IQCJ: variants seen among roughly 807,000 people sequenced by gnomAD.
The protein encoded by IQCJ is IQ motif containing J.
Under a neutral mutation model 11.0 loss-of-function variants are expected in IQCJ, and 9 were observed. The observed-to-expected ratio is 0.82, with a 90% CI of 0.49 to 1.43. The LOEUF (loss-of-function observed/expected upper bound fraction) is 1.43. IQCJ is among the 40% of genes most tolerant of loss of function. The pLI, the probability that IQCJ is intolerant of heterozygous loss-of-function variation, is 0.00. For synonymous variants in IQCJ, 55 were observed against 51.3 expected (o/e 1.07, Z -0.31); for missense variants, 146 against 133.2 (o/e 1.10, Z -0.47).
intron 1 of IQCJ, among the ~76,000 whole-genome samples, chr3:159,187,968 C>T (rs763616798): frequency 1.8e-4 from 27 of 152,122 alleles, no homozygotes; most frequent in African/African-American, 5.6e-4. Flanking sequence ...ACTCTTCCAC[C>T]GGCGCTGGGC....
intron 1 of IQCJ, among the ~76,000 whole-genome samples, chr3:159,159,496 T>C (rs73164381): frequency 0.22 from 33,764 of 152,150 alleles, 4,573 homozygotes; most frequent in South Asian, 0.39. Flanking sequence ...AGATAGTTAT[T>C]TTATGTGTTG....
chr3:159,224,057 T>C (rs543471371), intron 1 of IQCJ, among the ~76,000 whole-genome samples: 3 of 151,172 alleles, frequency 2.0e-5, no homozygotes, highest in Non-Finnish European at 4.4e-5. Context: ...TATTAAAATA[T>C]CATTTCCCAC....
At chr3:159,158,069 G>T (rs761983747) in intron 1 of IQCJ, among the ~76,000 whole-genome samples, 14 of 152,104 alleles carry the variant, frequency 9.2e-5, no homozygotes, top group Non-Finnish European at 2.1e-4. Context: ...GAATTACTAG[G>T]TCAAAGAGAA....
At chr3:159,198,747 A>T (rs745493238) in intron 1 of IQCJ, among the ~76,000 whole-genome samples, 2 of 152,210 alleles carry the variant, frequency 1.3e-5, no homozygotes, top group Non-Finnish European at 2.9e-5. Flanking sequence ...GAGATTCAAA[A>T]TGGAAGGAAA....
At chr3:159,212,743 A>G (rs1306651941) in intron 1 of IQCJ, among the ~76,000 whole-genome samples, 1 of 152,166 alleles carries the variant, frequency 6.6e-6, no homozygotes, top group East Asian at 1.9e-4. Context: ...AATGCTGGCA[A>G]TTCATCTCTT....
intron 1 of IQCJ, among the ~76,000 whole-genome samples, chr3:159,228,314 A>G (rs548053584): frequency 3.9e-5 from 6 of 152,198 alleles, no homozygotes; most frequent in Non-Finnish European, 8.8e-5. Context: ...AGAAAAAAAT[A>G]CCAATTCTGA....
At position 159,134,496 on chromosome 3, in the gene IQCJ, G is replaced by T. The variant is rs910493711; in HGVS notation, c.9+65055G>T. On this transcript the variant is annotated intron_variant, in intron 1 of 3. Transcript: ENST00000397832. ...CACATTTAGAATAGTTCTGCTTGTAGAGAGAGGGCCATGGAACAAACCCAA... is the reference window on the plus strand; with the variant it reads ...CACATTTAGAATAGTTCTGCTTGTATAGAGAGGGCCATGGAACAAACCCAA... Among the ~76,000 whole-genome samples, 5 of 152,172 alleles carry T rather than the reference G, an allele frequency of 3.3e-5. No individual in the cohort carries two copies. In the East Asian group the frequency reaches 9.6e-4, roughly 29 times the overall value.
chr3:159,227,044 G>A (rs981121712), intron 1 of IQCJ, among the ~76,000 whole-genome samples: 3 of 152,164 alleles, frequency 2.0e-5, no homozygotes, highest in Non-Finnish European at 2.9e-5. Context: ...GCTGAAATCA[G>A]GAGGCTTAAT....
chr3:159,109,325 C>A (rs1262718970), intron 1 of IQCJ, among the ~76,000 whole-genome samples: 5 of 152,094 alleles, frequency 3.3e-5, no homozygotes. Flanking sequence ...GAGGGCAAGA[C>A]ATTTATAAAG....
At chr3:159,162,624 G>A (rs1721929658) in intron 1 of IQCJ, among the ~76,000 whole-genome samples, 1 of 152,118 alleles carries the variant, frequency 6.6e-6, no homozygotes, top group South Asian at 2.1e-4. Flanking sequence ...AAAAATTAAT[G>A]AATCCAGGAG....
chr3:159,071,638 G>C (rs1266632493), intron 1 of IQCJ, among the ~76,000 whole-genome samples: 3 of 152,050 alleles, frequency 2.0e-5, no homozygotes, highest in African/African-American at 7.2e-5. Context: ...AAGAGGTTTT[G>C]TTTTTCAGAG....
At chr3:159,101,667 T>TTGGACA (rs1275580119) in intron 1 of IQCJ, among the ~76,000 whole-genome samples, 5 of 152,200 alleles carry the variant, frequency 3.3e-5, no homozygotes, top group Non-Finnish European at 7.3e-5. Flanking sequence ...ATTCTCCTTT[T>TTGGACA]TGGACATGGA....
chr3:159,135,269 A>G (rs929114571), intron 1 of IQCJ, among the ~76,000 whole-genome samples: 1 of 152,068 alleles, frequency 6.6e-6, no homozygotes, highest in Non-Finnish European at 1.5e-5. Flanking sequence ...AGGCTTTTCT[A>G]TGTCATCCAT....
chr3:159,131,469 G>A (rs1397139646), intron 1 of IQCJ, among the ~76,000 whole-genome samples: 3 of 152,058 alleles, frequency 2.0e-5, no homozygotes, highest in Admixed American at 6.6e-5. Context: ...AAAGAAGCTG[G>A]GGCACTTCTT....
intron 1 of IQCJ, among the ~76,000 whole-genome samples, chr3:159,210,307 G>T (rs1350026827): frequency 6.6e-6 from 1 of 152,206 alleles, no homozygotes; most frequent in Non-Finnish European, 1.5e-5. Flanking sequence ...TTTCATTTGT[G>T]TAAGTTTTAA....
intron 1 of IQCJ, among the ~76,000 whole-genome samples, chr3:159,077,687 T>C (rs978724987): frequency 6.6e-6 from 1 of 152,176 alleles, no homozygotes; most frequent in African/African-American, 2.4e-5. Flanking sequence ...TCAAAGCATG[T>C]ATGAGAAACT....
At chr3:159,202,063 T>C (rs543240058) in intron 1 of IQCJ, among the ~76,000 whole-genome samples, 56 of 152,318 alleles carry the variant, frequency 3.7e-4, no homozygotes, top group African/African-American at 1.2e-3. Flanking sequence ...TCACTTCTTA[T>C]TGGTTGAGTC....
At chr3:159,211,499 T>G (rs1447251409) in intron 1 of IQCJ, among the ~76,000 whole-genome samples, 2 of 152,232 alleles carry the variant, frequency 1.3e-5, no homozygotes, top group East Asian at 3.8e-4. Context: ...ACTCTGTAGA[T>G]GAGGGACAAG....
chr3:159,194,561 G>A (rs751362374), intron 1 of IQCJ, among the ~76,000 whole-genome samples: 17 of 152,212 alleles, frequency 1.1e-4, no homozygotes, highest in Non-Finnish European at 2.1e-4. Context: ...AGCTTGATTA[G>A]CAGTGCATTT....
Sources: allele counts gnomAD v4.1 joint callset (sites outside exome capture counted in the v4.1 genomes callset), GRCh38; gene constraint gnomAD v4.1.1; transcripts MANE v1.5; gene names NCBI Gene and HGNC (gene_info 2026-07-23, HGNC 2026-07-21).